Variants in DLGAP1 observed in about 807,000 individuals in gnomAD.
DLGAP1 encodes the protein disks large-associated protein 1.
DLGAP1 carries 11 observed loss-of-function variants against 90.8 expected under a neutral mutation model. That is an observed-to-expected ratio of 0.12 (90% CI 0.08 to 0.20). The LOEUF (loss-of-function observed/expected upper bound fraction) is 0.20, where lower values mean the gene tolerates loss of function less well. Ranked by LOEUF, DLGAP1 falls within the 10% of genes least tolerant of loss-of-function variation. The probability of loss-of-function intolerance (pLI) is 1.00; values close to 1 mark genes in which losing one functional copy is unlikely to be tolerated. For missense variants in DLGAP1, 1,050 were observed against 1,333.8 expected (o/e 0.79, Z 3.31); for synonymous variants, 558 against 540.7 (o/e 1.03, Z -0.44).
intron 1 of DLGAP1, among the ~76,000 whole-genome samples, chr18:4,410,817 AC>A (rs1236827244): frequency 3.9e-5 from 6 of 152,162 alleles, no homozygotes; most frequent in African/African-American, 1.4e-4. Flanking sequence ...GATGGATCTC[AC>A]AATTATAACC....
intron 1 of DLGAP1, among the ~76,000 whole-genome samples, chr18:4,328,922 A>G (rs1021792408): frequency 1.3e-5 from 2 of 152,020 alleles, no homozygotes; most frequent in African/African-American, 4.8e-5. Flanking sequence ...AAGAGTTCTT[A>G]TATCTACTAG....
rs1193672476 is a variant in DLGAP1, at chr18:3,512,748, TC to T, written c.2480-4088del. The stretch of plus-strand genomic sequence containing the variant: ...CCCCACGGACATCTGCTGTGGCCAA[TC>T]CCCGTCTTCTGACCCCAGTCTATTT... On this transcript the variant is annotated intron_variant, in intron 10 of 12. Transcript: ENST00000315677. 5.3e-5 allele frequency among the ~76,000 whole-genome samples: 8 copies of T among 152,198 alleles called. 1 individual carries two copies. The highest frequency in any genetic ancestry group is 5.2e-4 in the Admixed American group (8 of 15,276).
intron 7 of DLGAP1, among the ~76,000 whole-genome samples, chr18:3,610,273 CA>C (rs1215340962): frequency 3.3e-4 from 50 of 152,176 alleles, no homozygotes; most frequent in African/African-American, 1.1e-3. Flanking sequence ...CGTACATCTG[CA>C]GAGAAAATCT....
chr18:3,802,200 G>C (rs1444750609), intron 5 of DLGAP1, among the ~76,000 whole-genome samples: 4 of 151,322 alleles, frequency 2.6e-5, no homozygotes, highest in Non-Finnish European at 4.4e-5. Context: ...GGCCAGGCTG[G>C]TCTTGAACTC....
intron 3 of DLGAP1, among the ~76,000 whole-genome samples, chr18:3,951,286 C>A (rs2072980372): frequency 6.6e-6 from 1 of 152,188 alleles, no homozygotes; most frequent in Non-Finnish European, 1.5e-5. Flanking sequence ...CAAACACATA[C>A]ATCAAAATAC....
At chr18:4,398,639 G>A (rs577170906) in intron 1 of DLGAP1, among the ~76,000 whole-genome samples, 2 of 152,284 alleles carry the variant, frequency 1.3e-5, no homozygotes, top group East Asian at 3.9e-4. Context: ...AAATATAGGA[G>A]CCACTTCAGA....
chr18:3,687,086 G>A (rs1277473966), intron 7 of DLGAP1, among the ~76,000 whole-genome samples: 1 of 152,202 alleles, frequency 6.6e-6, no homozygotes, highest in African/African-American at 2.4e-5. Flanking sequence ...AAAAGACAAG[G>A]AAATGGATTC....
At chr18:3,658,703 A>G (rs1235834611) in intron 7 of DLGAP1, among the ~76,000 whole-genome samples, 2 of 152,226 alleles carry the variant, frequency 1.3e-5, no homozygotes, top group African/African-American at 4.8e-5. Flanking sequence ...CAAGTAATTG[A>G]CTTATTAAGC....
Position 3,773,648 on chromosome 18 carries a change from A to T in DLGAP1, c.1173-31136T>A, listed in dbSNP as rs529655456. Among the ~76,000 whole-genome samples the T allele has an allele frequency of 7.0e-4, 107 of 152,302 alleles. 1 individual carries two copies. The highest frequency in any genetic ancestry group is 1.3e-3 in the Non-Finnish European group (91 of 68,020). ...TACCTAACAATAGTGTTCATAAATA[A>T]CTTCCTGCCACACTGATAAAAACAT... On this transcript the variant is annotated intron_variant, in intron 5 of 12. Coordinates refer to ENST00000315677, the MANE Select transcript of DLGAP1 (RefSeq NM_004746.4).
chr18:4,250,931 C>A (rs34971221), intron 1 of DLGAP1, among the ~76,000 whole-genome samples: 10,982 of 151,450 alleles, frequency 0.073, 571 homozygotes, highest in African/African-American at 0.14. Context: ...TAAAAAAAAA[C>A]CCCACAAAAA....
chr18:4,256,046 T>A (rs1165228678), intron 1 of DLGAP1, among the ~76,000 whole-genome samples: 6 of 152,152 alleles, frequency 3.9e-5, no homozygotes, highest in Non-Finnish European at 8.8e-5. Flanking sequence ...AATAAGGATG[T>A]AGATGCTAAT....
chr18:4,001,116 ATTCTT>A (rs59676809), intron 3 of DLGAP1, among the ~76,000 whole-genome samples: 144,432 of 151,510 alleles, frequency 0.95, 68,854 homozygotes, highest in East Asian at 1. Context: ...AAAAATATTC[ATTCTT>A]TTCTTTTCTA....
chr18:4,003,437 GTTTTT>G (rs11457362), intron 3 of DLGAP1, among the ~76,000 whole-genome samples: 6 of 130,372 alleles, frequency 4.6e-5, no homozygotes, highest in Admixed American at 1.6e-4. Flanking sequence ...TAATATCATT[GTTTTT>G]TTTTTTTTTT....
intron 1 of DLGAP1, among the ~76,000 whole-genome samples, chr18:4,371,317 TG>T (rs1467043405): frequency 2.6e-5 from 4 of 152,238 alleles, no homozygotes; most frequent in African/African-American, 9.6e-5. Context: ...AGAAGAGCAA[TG>T]GAAGAGAAAG....
intron 7 of DLGAP1, among the ~76,000 whole-genome samples, chr18:3,602,757 A>G (rs1039311900): frequency 3.9e-5 from 6 of 152,194 alleles, no homozygotes; most frequent in Non-Finnish European, 8.8e-5. Flanking sequence ...GAACCATAGA[A>G]GATACAAGCA....
At chr18:4,244,486 G>T (rs917174174) in intron 1 of DLGAP1, among the ~76,000 whole-genome samples, 8 of 152,122 alleles carry the variant, frequency 5.3e-5, no homozygotes, top group African/African-American at 1.9e-4. Context: ...AAATTCATGC[G>T]GTATATCTTT....
At chr18:3,952,490 C>G (rs1255581320) in intron 3 of DLGAP1, among the ~76,000 whole-genome samples, 1 of 152,176 alleles carries the variant, frequency 6.6e-6, no homozygotes, top group Non-Finnish European at 1.5e-5. Flanking sequence ...CGGACCACGG[C>G]AAAGGGTTGA....
intron 7 of DLGAP1, among the ~76,000 whole-genome samples, chr18:3,726,314 G>C (rs757044241): frequency 2.6e-5 from 4 of 152,072 alleles, no homozygotes; most frequent in African/African-American, 4.8e-5. Context: ...GGTCCTGTAA[G>C]AAAATCAATT....
Position 3,933,740 on chromosome 18 carries a change from C to T in DLGAP1, c.-72-53600G>A, listed in dbSNP as rs570364150. Among the ~76,000 whole-genome samples, 14 of 152,244 alleles carry T rather than the reference C, an allele frequency of 9.2e-5. No individual in the cohort carries two copies. In the East Asian group the frequency reaches 2.3e-3, roughly 25 times the overall value. On this transcript the variant is annotated intron_variant, in intron 3 of 12. Transcript: ENST00000315677. ...TGTGAATGCCCCCTTTCTCATACTC[C>T]GTTAGATTTTGTATCTGTCTGTGGT...
Sources: gnomAD v4.1 joint callset for allele counts (sites outside exome capture counted in the v4.1 genomes callset) on GRCh38, gnomAD v4.1.1 for gene constraint, MANE v1.5 for transcripts, NCBI Gene and HGNC (gene_info 2026-07-23, HGNC 2026-07-21) for gene names.